Variants in RABGAP1L observed in about 807,000 individuals in gnomAD.
RABGAP1L encodes the protein RAB GTPase activating protein 1 like.
In RABGAP1L, 63 loss-of-function variants were observed where a neutral mutation model predicts 137.7. The ratio of observed to expected loss-of-function variants is 0.46; its 90% CI spans 0.37 to 0.56. The LOEUF (loss-of-function observed/expected upper bound fraction) is 0.56, where lower values mean the gene tolerates loss of function less well. Ranked by LOEUF, RABGAP1L falls within the 20% of genes least tolerant of loss-of-function variation. RABGAP1L has a pLI of 0.00. For synonymous variants in RABGAP1L, 431 were observed against 433.7 expected, an observed-to-expected ratio of 0.99 and a Z score of 0.08; for missense variants, 1,095 against 1,244.0, an observed-to-expected ratio of 0.88 and a Z score of 1.80.
At chr1:174,815,524 C>A (rs1435865926) in intron 19 of RABGAP1L, among the ~76,000 whole-genome samples, 3 of 151,968 alleles carry the variant, frequency 2.0e-5, no homozygotes, top group African/African-American at 7.3e-5. Context: ...ATTTAATTAC[C>A]CCCCAAAATA....
In RABGAP1L at chr1:174,911,442, TC is replaced by T. The variant is rs534853306; in HGVS notation, c.2341-46014del. Among the ~76,000 whole-genome samples, 108 of 152,332 alleles carry T rather than the reference TC, an allele frequency of 7.1e-4. 2 individuals are homozygous for T. The East Asian group carries it at 9.4e-3, about 13-fold the overall frequency. On this transcript the variant is annotated intron_variant, in intron 19 of 25. Transcript: ENST00000681986. ...TGTTACATTTTCTAAGCTTTATCTT[TC>T]TATGAAATAGGGTCCCATTCACCTA...
intron 17 of RABGAP1L, among the ~76,000 whole-genome samples, chr1:174,702,744 A>G (rs534359228): frequency 1.5e-4 from 23 of 152,222 alleles, no homozygotes; most frequent in East Asian, 7.7e-4. Context: ...ATTATGTCAT[A>G]TAATTATATT....
intron 13 of RABGAP1L, among the ~76,000 whole-genome samples, chr1:174,551,395 CAG>C (rs1040712561): frequency 4.6e-5 from 7 of 151,828 alleles, no homozygotes; most frequent in South Asian, 2.1e-4. Context: ...TAACAGACAA[CAG>C]GGGAAAAATG....
intron 23 of RABGAP1L, among the ~76,000 whole-genome samples, chr1:174,981,978 C>G (rs984229947): frequency 1.3e-5 from 2 of 152,178 alleles, no homozygotes; most frequent in Non-Finnish European, 2.9e-5. Flanking sequence ...TTTGCCCAAG[C>G]TCACAAAGCT....
At chr1:174,500,323 A>G (rs1661143834) in intron 13 of RABGAP1L, among the ~76,000 whole-genome samples, 1 of 151,886 alleles carries the variant, frequency 6.6e-6, no homozygotes, top group Non-Finnish European at 1.5e-5. Context: ...CAGGTAATCC[A>G]CCCTTCTCGG....
intron 14 of RABGAP1L, among the ~76,000 whole-genome samples, chr1:174,640,479 A>G (rs190825899): frequency 2.6e-5 from 4 of 152,200 alleles, no homozygotes; most frequent in Admixed American, 6.5e-5. Flanking sequence ...GCTTAAAGGT[A>G]GTCTAACCAT....
intron 13 of RABGAP1L, among the ~76,000 whole-genome samples, chr1:174,482,098 A>T (rs1659156630): frequency 6.6e-6 from 1 of 152,108 alleles, no homozygotes; most frequent in Non-Finnish European, 1.5e-5. Flanking sequence ...ACCATGTGAG[A>T]TCTCATCCCT....
At chr1:174,287,619 A>T (rs183051613) in intron 10 of RABGAP1L, among the ~76,000 whole-genome samples, 2 of 152,200 alleles carry the variant, frequency 1.3e-5, no homozygotes, top group African/African-American at 4.8e-5. Context: ...CAGCCCCCCG[A>T]GTAGCTGGGA....
chr1:174,478,601 A>T (rs1658757428), intron 13 of RABGAP1L, among the ~76,000 whole-genome samples: 2 of 152,112 alleles, frequency 1.3e-5, no homozygotes, highest in Non-Finnish European at 2.9e-5. Flanking sequence ...TCTTTTCAGG[A>T]AGTCTTTTTA....
At chr1:174,368,316 G>T (rs568698450) in intron 11 of RABGAP1L, among the ~76,000 whole-genome samples, 1 of 152,270 alleles carries the variant, frequency 6.6e-6, no homozygotes, top group African/African-American at 2.4e-5. Flanking sequence ...TAAGAATCCT[G>T]TTACAAATAT....
At chr1:174,837,038 C>G (rs932689572) in intron 19 of RABGAP1L, among the ~76,000 whole-genome samples, 2 of 152,144 alleles carry the variant, frequency 1.3e-5, no homozygotes, top group Non-Finnish European at 2.9e-5. Flanking sequence ...GAAACCCCAT[C>G]TCTACTGAAA....
chr1:174,422,851 G>T (rs189488578), intron 13 of RABGAP1L, among the ~76,000 whole-genome samples: 177 of 150,668 alleles, frequency 1.2e-3, no homozygotes, highest in Middle Eastern at 3.4e-3. Flanking sequence ...GGAAGCTGAG[G>T]CACGAGAATC....
intron 3 of RABGAP1L, 79 bp from the exon 4 acceptor site, chr1:174,231,066 C>A: frequency 9.8e-7 from 1 of 1,015,788 alleles, no homozygotes; most frequent in Non-Finnish European, 1.5e-6. Flanking sequence ...TATTTCATTT[C>A]TTTTTGGGCA....
chr1:174,697,724 A>C (rs966988602), intron 15 of RABGAP1L, among the ~76,000 whole-genome samples: 1 of 152,206 alleles, frequency 6.6e-6, no homozygotes, highest in Non-Finnish European at 1.5e-5. Context: ...ATTCTTGGCC[A>C]TATATGTTCA....
At chr1:174,461,928 T>C (rs1656736533) in intron 13 of RABGAP1L, among the ~76,000 whole-genome samples, 1 of 152,158 alleles carries the variant, frequency 6.6e-6, no homozygotes, top group Non-Finnish European at 1.5e-5. Flanking sequence ...TTCCATAATG[T>C]TTATTTATAT....
At chr1:174,953,035 CAAA>C (rs34788853) in intron 19 of RABGAP1L, among the ~76,000 whole-genome samples, 7 of 97,336 alleles carry the variant, frequency 7.2e-5, no homozygotes, top group Non-Finnish European at 8.7e-5. Context: ...GGGTGGCATG[CAAA>C]AAAAAAAAAA....
At chr1:174,490,601 C>T (rs1660126111) in intron 13 of RABGAP1L, among the ~76,000 whole-genome samples, 1 of 152,084 alleles carries the variant, frequency 6.6e-6, no homozygotes, top group Non-Finnish European at 1.5e-5. Flanking sequence ...TCTCTGAAGG[C>T]CCTAGGGCTC....
intron 19 of RABGAP1L, chr1:174,896,866 G>A (rs889974596): frequency 6.6e-6 from 1 of 152,180 alleles, no homozygotes; most frequent in Non-Finnish European, 1.5e-5. Context: ...TTTGAAGTCA[G>A]GTAGCATGAT....
intron 17 of RABGAP1L, among the ~76,000 whole-genome samples, chr1:174,712,446 C>T (rs1002476596): frequency 2.0e-5 from 3 of 152,142 alleles, no homozygotes; most frequent in African/African-American, 7.2e-5. Context: ...ACACTCACCG[C>T]GAAGGTCTGC....
Sources: gnomAD v4.1 joint callset for allele counts (sites outside exome capture counted in the v4.1 genomes callset) on GRCh38, gnomAD v4.1.1 for gene constraint, MANE v1.5 for transcripts, NCBI Gene and HGNC (gene_info 2026-07-23, HGNC 2026-07-21) for gene names.